SUPT3H: variants seen among roughly 807,000 people sequenced by gnomAD.
The protein encoded by SUPT3H is transcription initiation protein SPT3 homolog.
A neutral mutation model predicts 44.3 loss-of-function variants in SUPT3H; 44 were observed. The observed-to-expected ratio is 0.99, with a 90% CI of 0.78 to 1.28. The LOEUF (loss-of-function observed/expected upper bound fraction) is 1.28. Among genes scored for constraint, SUPT3H ranks in the 50% most tolerant of loss-of-function variants. SUPT3H has a pLI of 0.00. For synonymous variants in SUPT3H, 124 were observed against 125.6 expected, an observed-to-expected ratio of 0.99 and a Z score of 0.09; for missense variants, 380 against 387.1, an observed-to-expected ratio of 0.98 and a Z score of 0.15.
At chr6:44,841,202 C>A (rs550394380) in intron 10 of SUPT3H, among the ~76,000 whole-genome samples, 249 of 152,248 alleles carry the variant, frequency 1.6e-3, no homozygotes, top group African/African-American at 5.7e-3. Flanking sequence ...AATGTCCTAA[C>A]AGATATTATT....
intron 2 of SUPT3H, among the ~76,000 whole-genome samples, chr6:45,360,845 T>G (rs1794127296): frequency 6.6e-6 from 1 of 152,136 alleles, no homozygotes; most frequent in Non-Finnish European, 1.5e-5. Context: ...CTCAGAAGAG[T>G]TCCTCATTCC....
chr6:45,111,791 G>A (rs1023763611), intron 2 of SUPT3H, among the ~76,000 whole-genome samples: 12 of 151,800 alleles, frequency 7.9e-5, no homozygotes, highest in Non-Finnish European at 1.3e-4. Context: ...CTGTAGTCAC[G>A]GCCCCCCCAC....
chr6:45,278,840 C>T (rs12207402), intron 2 of SUPT3H, among the ~76,000 whole-genome samples: 11,526 of 152,120 alleles, frequency 0.076, 529 homozygotes, highest in Middle Eastern at 0.12. Context: ...TATTTAGGAG[C>T]ACTGCAAATT....
intron 6 of SUPT3H, among the ~76,000 whole-genome samples, chr6:45,001,104 C>A (rs990015907): frequency 6.6e-6 from 1 of 151,896 alleles, no homozygotes; most frequent in Non-Finnish European, 1.5e-5. Flanking sequence ...GTATTTTGGT[C>A]TTTGGTTGAC....
chr6:44,850,745 C>CTATCT (rs1772733791), intron 10 of SUPT3H, among the ~76,000 whole-genome samples: 84 of 147,554 alleles, frequency 5.7e-4, no homozygotes, highest in African/African-American at 2.1e-3. Context: ...GTTTTATATA[C>CTATCT]ATCTATCTAT....
intron 6 of SUPT3H, among the ~76,000 whole-genome samples, chr6:44,997,775 G>A (rs1386749539): frequency 2.0e-5 from 3 of 151,706 alleles, no homozygotes; most frequent in Non-Finnish European, 4.4e-5. Context: ...GTTCATTTAA[G>A]TGAGATATTT....
chr6:45,288,563 ATG>A (rs1562882232), intron 2 of SUPT3H, among the ~76,000 whole-genome samples: 4,604 of 43,950 alleles, frequency 0.1, 189 homozygotes, highest in Admixed American at 0.17. Flanking sequence ...ATATATATAT[ATG>A]TATATATATA....
At chr6:45,275,314 A>G (rs552206945) in intron 2 of SUPT3H, among the ~76,000 whole-genome samples, 10 of 152,274 alleles carry the variant, frequency 6.6e-5, no homozygotes, top group African/African-American at 2.4e-4. Context: ...ATATTCATTC[A>G]TCTATAATAT....
At chr6:44,953,191 G>C (rs2153473660) in intron 9 of SUPT3H, 119 bp downstream of exon 9, 3 of 745,390 alleles carry the variant, frequency 4.0e-6, no homozygotes, top group Admixed American at 2.4e-5. Context: ...AATGTATTAA[G>C]ATTCTTTGAC....
intron 2 of SUPT3H, among the ~76,000 whole-genome samples, chr6:45,218,666 G>T (rs563092545): frequency 1.3e-5 from 2 of 152,162 alleles, no homozygotes; most frequent in Non-Finnish European, 2.9e-5. Flanking sequence ...CCTGGGAGGC[G>T]GAGGTTGCGG....
chr6:44,963,897 C>G (rs567662023), intron 6 of SUPT3H, among the ~76,000 whole-genome samples: 6 of 151,588 alleles, frequency 4.0e-5, no homozygotes, highest in African/African-American at 1.5e-4. Flanking sequence ...TACTCGGAGG[C>G]TGAGGCAGGA....
intron 7 of SUPT3H, among the ~76,000 whole-genome samples, chr6:44,957,508 A>G (rs1169188832): frequency 6.6e-6 from 1 of 152,218 alleles, no homozygotes; most frequent in Admixed American, 6.5e-5. Flanking sequence ...AATGAGATGT[A>G]CATTAATCAC....
At chr6:44,858,055 C>T (rs1774032755) in intron 10 of SUPT3H, among the ~76,000 whole-genome samples, 1 of 152,154 alleles carries the variant, frequency 6.6e-6, no homozygotes, top group African/African-American at 2.4e-5. Context: ...GAAGCCTTCC[C>T]TGATCATTAA....
At chr6:45,040,608 A>G (rs1788380474) in intron 3 of SUPT3H, among the ~76,000 whole-genome samples, 1 of 152,206 alleles carries the variant, frequency 6.6e-6, no homozygotes, top group African/African-American at 2.4e-5. Context: ...CAAACAAAAA[A>G]GCTTTTCAAA....
intron 10 of SUPT3H, among the ~76,000 whole-genome samples, chr6:44,885,118 C>G (rs532222576): frequency 2.0e-5 from 3 of 152,180 alleles, no homozygotes; most frequent in African/African-American, 4.8e-5. Flanking sequence ...CCAGGAAGCT[C>G]GAACTGGGTG....
At chr6:45,134,324 GC>G (rs1435667935) in intron 2 of SUPT3H, among the ~76,000 whole-genome samples, 3 of 152,126 alleles carry the variant, frequency 2.0e-5, no homozygotes, top group Admixed American at 6.5e-5. Flanking sequence ...CTCTTATTAG[GC>G]TCAACCTCGC....
intron 2 of SUPT3H, among the ~76,000 whole-genome samples, chr6:45,235,819 T>A (rs750044065): frequency 6.6e-6 from 1 of 152,158 alleles, no homozygotes; most frequent in Non-Finnish European, 1.5e-5. Flanking sequence ...ATGTTCATGA[T>A]GGCCATGACT....
intron 2 of SUPT3H, among the ~76,000 whole-genome samples, chr6:45,203,865 TACACTAAGTCTA>T (rs1347740440): frequency 3.3e-5 from 5 of 152,158 alleles, no homozygotes; most frequent in African/African-American, 1.2e-4. Flanking sequence ...CATGACAGAC[TACACTAAGTCTA>T]CTTAAACTCT....
At chr6:44,870,097 CT>C (rs1258837580) in intron 10 of SUPT3H, among the ~76,000 whole-genome samples, 1 of 152,180 alleles carries the variant, frequency 6.6e-6, no homozygotes, top group Non-Finnish European at 1.5e-5. Flanking sequence ...CATTCATCCA[CT>C]TCCCAACCTG....
Sources: gnomAD v4.1 joint callset for allele counts (sites outside exome capture counted in the v4.1 genomes callset) on GRCh38, gnomAD v4.1.1 for gene constraint, MANE v1.5 for transcripts, NCBI Gene and HGNC (gene_info 2026-07-23, HGNC 2026-07-21) for gene names.